Variants in CCAR1 observed in about 807,000 individuals in gnomAD.
CCAR1 encodes cell division cycle and apoptosis regulator protein 1.
CCAR1 carries 78 observed loss-of-function variants against 163.8 expected under a neutral mutation model. The ratio of observed to expected loss-of-function variants is 0.48; its 90% CI spans 0.40 to 0.57. CCAR1 has a LOEUF of 0.57. Ranked by LOEUF, CCAR1 falls within the 20% of genes least tolerant of loss-of-function variation. The probability of loss-of-function intolerance (pLI) is 0.00; values close to 1 mark genes in which losing one functional copy is unlikely to be tolerated. For synonymous variants in CCAR1, 443 were observed against 460.7 expected, an observed-to-expected ratio of 0.96 and a Z score of 0.49; for missense variants, 1,019 against 1,365.2, an observed-to-expected ratio of 0.75 and a Z score of 4.00.
chr10:68,783,024 A>G (rs1274340339), intron 19 of CCAR1, among the ~76,000 whole-genome samples: 4 of 130,912 alleles, frequency 3.1e-5, no homozygotes, highest in African/African-American at 5.8e-5. Flanking sequence ...TTTTTTTGAG[A>G]CAGGGTTTCA....
At chr10:68,752,899 GATA>G (rs2056350822) in intron 10 of CCAR1, among the ~76,000 whole-genome samples, 2 of 145,074 alleles carry the variant, frequency 1.4e-5, no homozygotes, top group African/African-American at 5.2e-5. Context: ...TAGATAGATA[GATA>G]GATAGATAGA....
In CCAR1 at chr10:68,747,169, A is replaced by G; in HGVS notation, c.527A>G (p.Lys176Arg). 4 of 1,573,900 alleles carry G rather than the reference A, an allele frequency of 2.5e-6. No individual in the cohort carries two copies. Among genetic ancestry groups the G allele is most frequent in the Non-Finnish European group, 3.4e-6 (4 of 1,160,622 alleles). ...TCTTTTTTTTTTTACAGTGCTGTCA[A>G]AGGGAAAACCCCCCAAGTAGGTGAC... ...EDVFFQLSAV[K>R]GKTPQVGDRV... Residue 176 changes from lysine (K) to arginine (R), a missense_variant, in exon 7 of 25, where the codon AAA (lysine) becomes AGA (arginine). Physicochemically the swap from Lys to Arg is conservative, Grantham distance 26 (BLOSUM62 2). This residue lies in a region of CCAR1 where 644 missense variants were observed against 904.4 expected (regional missense o/e 0.71). Transcript: ENST00000265872.
intron 13 of CCAR1, 38 bp downstream of exon 13, chr10:68,755,574 C>T: frequency 1.3e-6 from 2 of 1,557,032 alleles, no homozygotes; most frequent in Non-Finnish European, 8.8e-7. Context: ...AAGTGTTTTA[C>T]TGATAGTTTA....
Position 68,765,883 on chromosome 10 carries a change from T to C in CCAR1, c.2107-5T>C. The C allele has an allele frequency of 1.2e-6, 2 of 1,608,044 alleles. No homozygotes were observed. Reference sequence around the variant, plus strand: ...TAACCTTGACTTGAAATTTGAAATATTTAGGAAGAAGAAAGGAAACGTCAA... The same window carrying C: ...TAACCTTGACTTGAAATTTGAAATACTTAGGAAGAAGAAAGGAAACGTCAA... On this transcript the variant is annotated splice_polypyrimidine_tract_variant and splice_region_variant and intron_variant, in intron 16 of 24. Transcript: ENST00000265872.
At chr10:68,769,755 C>T (rs1342755315) in intron 17 of CCAR1, among the ~76,000 whole-genome samples, 2 of 150,528 alleles carry the variant, frequency 1.3e-5, no homozygotes, top group African/African-American at 4.9e-5. Context: ...TCCTGGCTAA[C>T]ACGGTGAAAC....
chr10:68,769,274 C>T (rs1401141445), intron 17 of CCAR1, among the ~76,000 whole-genome samples: 4 of 152,116 alleles, frequency 2.6e-5, no homozygotes, highest in East Asian at 1.9e-4. Context: ...ATGCGTGGCC[C>T]GTTTTAGCCC....
chr10:68,754,910 C>A, intron 12 of CCAR1, 83 bp downstream of exon 12: 1 of 743,542 alleles, frequency 1.3e-6, no homozygotes. Context: ...TAAAGCCCTA[C>A]ATTTTAATAT....
In CCAR1 at chr10:68,749,535, A is replaced by G; in HGVS notation, c.968A>G (p.Glu323Gly). Residue 323 changes from glutamate (E) to glycine (G), a missense_variant, in exon 10 of 25, where the codon GAG becomes GGG. Glu to Gly is a moderately conservative substitution (Grantham distance 98, BLOSUM62 -2). Around this residue, in one of 4 missense-constraint regions of CCAR1, gnomAD observed 644 missense variants for 904.4 expected, o/e 0.71. Transcript: ENST00000265872. Reference protein sequence around the residue: ...NRKDDRSRERERERRRSRERS... With the variant: ...NRKDDRSRERGRERRRSRERS... The stretch of plus-strand genomic sequence containing the variant: ...AAATTTGCTTTCAGTCGTGAGAGAG[A>G]GAGAGAAAGACGTAGATCGAGAGAA... 1 of 1,612,142 alleles carries G rather than the reference A, an allele frequency of 6.2e-7. No individual in the cohort carries two copies.
intron 17 of CCAR1, 53 bp from the exon 18 acceptor site, chr10:68,771,153 C>T: frequency 6.8e-7 from 1 of 1,469,726 alleles, no homozygotes; most frequent in Non-Finnish European, 9.2e-7. Context: ...ACTCTGCTAG[C>T]TTTATTATTT....
chr10:68,787,260 CTTT>C (rs766822113), intron 21 of CCAR1, among the ~76,000 whole-genome samples: 2 of 145,368 alleles, frequency 1.4e-5, no homozygotes, highest in African/African-American at 2.5e-5. Context: ...TTTTGACTGG[CTTT>C]TTTTTTTTCA....
At chr10:68,750,800 A>G (rs2056321192) in intron 10 of CCAR1, among the ~76,000 whole-genome samples, 1 of 152,190 alleles carries the variant, frequency 6.6e-6, no homozygotes, top group African/African-American at 2.4e-5. Flanking sequence ...CAGTGGCCTA[A>G]GAGGATATTA....
chr10:68,781,435 C>T (rs2056734772), intron 19 of CCAR1, among the ~76,000 whole-genome samples: 1 of 151,802 alleles, frequency 6.6e-6, no homozygotes, highest in Non-Finnish European at 1.5e-5. Flanking sequence ...CCCAGCTACT[C>T]GGGAGGCTGA....
intron 19 of CCAR1, among the ~76,000 whole-genome samples, chr10:68,783,115 A>G (rs914347233): frequency 5.6e-5 from 8 of 142,948 alleles, no homozygotes; most frequent in African/African-American, 1.6e-4. Flanking sequence ...ATTATCTCCC[A>G]CCTCATCCTC....
At position 68,761,237 on chromosome 10, in the gene CCAR1, T is replaced by C. The variant is rs1451728367; in HGVS notation, c.2106+45T>C. On this transcript the variant is annotated intron_variant, in intron 16 of 24. Transcript: ENST00000265872. ...TTATACTCTATGGTATTAATATTCA[T>C]GTATAGGGTGTTCTTGGAATACGTG... 47 of 1,078,680 alleles carry C rather than the reference T, an allele frequency of 4.4e-5. 1 individual carries two copies. Among genetic ancestry groups the C allele is most frequent in the Admixed American group, 5.6e-5 (2 of 35,420 alleles). The allele number at this position is 1,078,680 out of a possible 1,614,324, so 66.8% of individuals were successfully genotyped here.
At chr10:68,721,633 G>T (rs1421512883) in intron 1 of CCAR1, 1 of 443,978 alleles carries the variant, frequency 2.3e-6, no homozygotes, top group Non-Finnish European at 4.5e-6. Context: ...GCTCCCGGCG[G>T]CGTGGGTCTT....
intron 17 of CCAR1, among the ~76,000 whole-genome samples, chr10:68,766,403 A>G (rs1406551618): frequency 6.6e-6 from 1 of 151,624 alleles, no homozygotes; most frequent in Non-Finnish European, 1.5e-5. Flanking sequence ...GGGTTTCACC[A>G]TGTTGGCCAG....
chr10:68,781,624 C>T (rs137901303), intron 19 of CCAR1, among the ~76,000 whole-genome samples: 265 of 151,882 alleles, frequency 1.7e-3, no homozygotes, highest in Non-Finnish European at 3.1e-3. Flanking sequence ...GGGAGGATAA[C>T]GAGGTGGGAT....
intron 12 of CCAR1, chr10:68,755,125 C>T (rs763888931): frequency 5.6e-6 from 4 of 708,070 alleles, no homozygotes; most frequent in Non-Finnish European, 1.0e-5. Context: ...TGAATTATAG[C>T]TTGTTTCTTT....
chr10:68,773,550 G>T (rs2056627859), intron 19 of CCAR1, among the ~76,000 whole-genome samples: 1 of 151,956 alleles, frequency 6.6e-6, no homozygotes, highest in African/African-American at 2.4e-5. Context: ...TATAATCCCA[G>T]GTATACTCTG....
Sources: gnomAD v4.1 joint callset for allele counts (sites outside exome capture counted in the v4.1 genomes callset) on GRCh38, gnomAD v4.1.1 for gene constraint, gnomAD v4.1.1 regional missense constraint, MANE v1.5 for transcripts, NCBI Gene and HGNC (gene_info 2026-07-23, HGNC 2026-07-21) for gene names.